The following NPFFR1 variants were observed in gnomAD, a reference collection of about 807,000 sequenced individuals.
The protein encoded by NPFFR1 is G-protein coupled receptor 147.
A neutral mutation model predicts 12.7 loss-of-function variants in NPFFR1; 17 were observed. The observed-to-expected ratio is 1.34, with a 90% CI of 0.92 to 2.01. The LOEUF is 2.01. Among genes scored for constraint, NPFFR1 ranks in the 30% most tolerant of loss-of-function variants. The pLI is 0.00. For synonymous variants in NPFFR1, 296 were observed against 264.5 expected, an observed-to-expected ratio of 1.12 and a Z score of -1.16; for missense variants, 604 against 606.5, an observed-to-expected ratio of 1.00 and a Z score of 0.04.
At chr10:70,272,214 A>AAGAG (rs879583314) in intron 1 of NPFFR1, among the ~76,000 whole-genome samples, 3,243 of 9,094 alleles carry the variant, frequency 0.36, 70 homozygotes, top group Middle Eastern at 0.48. Flanking sequence ...AAAGAAAGGA[A>AAGAG]AGAAAGAAAG....
chr10:70,263,209 A>G (rs1170816762), intron 2 of NPFFR1, among the ~76,000 whole-genome samples: 2 of 152,182 alleles, frequency 1.3e-5, no homozygotes, highest in Non-Finnish European at 2.9e-5. Context: ...CCCCTGTGGA[A>G]CTATACACTT....
intron 3 of NPFFR1, among the ~76,000 whole-genome samples, chr10:70,257,238 A>G (rs1840581634): frequency 6.6e-6 from 1 of 152,200 alleles, no homozygotes; most frequent in South Asian, 2.1e-4. Flanking sequence ...TCTGTGTAGA[A>G]AGGGAAGACA....
chr10:70,259,269 G>A (rs1223118731), intron 3 of NPFFR1, among the ~76,000 whole-genome samples: 3 of 149,956 alleles, frequency 2.0e-5, no homozygotes, highest in Non-Finnish European at 3.0e-5. Context: ...GGGTGACAGA[G>A]CAAGACTCTG....
At chr10:70,272,151 G>A (rs1454878948) in intron 1 of NPFFR1, among the ~76,000 whole-genome samples, 2 of 26,208 alleles carry the variant, frequency 7.6e-5, no homozygotes, top group East Asian at 1.6e-3. Flanking sequence ...GAGAAAGGGA[G>A]AGAGAGAGAG....
intron 1 of NPFFR1, among the ~76,000 whole-genome samples, chr10:70,269,028 ATGTT>A (rs1392641173): frequency 1.3e-5 from 2 of 152,068 alleles, no homozygotes. Flanking sequence ...CTTCTGCAGT[ATGTT>A]TGTCATATGG....
At chr10:70,263,466 G>A (rs1840655611) in intron 2 of NPFFR1, among the ~76,000 whole-genome samples, 1 of 151,840 alleles carries the variant, frequency 6.6e-6, no homozygotes, top group Admixed American at 6.6e-5. Context: ...GTAGAGATGG[G>A]GTTTCACCAT....
chr10:70,260,152 TGA>T (rs1840617331), intron 3 of NPFFR1, among the ~76,000 whole-genome samples: 1 of 152,140 alleles, frequency 6.6e-6, no homozygotes, highest in Non-Finnish European at 1.5e-5. Flanking sequence ...AATATGAGGC[TGA>T]GAGACGAGAA....
At chr10:70,259,965 A>G (rs1455278779) in intron 3 of NPFFR1, among the ~76,000 whole-genome samples, 1 of 152,180 alleles carries the variant, frequency 6.6e-6, no homozygotes, top group African/African-American at 2.4e-5. Flanking sequence ...CCTGGGGTGA[A>G]GCACCCAGAG....
intron 3 of NPFFR1, among the ~76,000 whole-genome samples, chr10:70,259,911 G>A (rs1418032398): frequency 6.6e-6 from 1 of 152,104 alleles, no homozygotes; most frequent in Non-Finnish European, 1.5e-5. Context: ...ATACACCAAG[G>A]CAGGAGTGAG....
intron 1 of NPFFR1, among the ~76,000 whole-genome samples, chr10:70,276,988 C>A (rs986824838): frequency 6.6e-6 from 1 of 152,214 alleles, no homozygotes; most frequent in African/African-American, 2.4e-5. Flanking sequence ...CTTACATAGA[C>A]CGCCTGGCTC....
rs1840473399 is a variant in NPFFR1 at position 70,248,467 on chromosome 10, G to GTTTTTGTTTTTTTT, written c.*6489_*6490insAAAAAAAACAAAAA. The GTTTTTGTTTTTTTT allele has an allele frequency of 6.2e-5, 6 of 96,742 alleles. No individual in the cohort carries two copies. Among genetic ancestry groups the GTTTTTGTTTTTTTT allele is most frequent in the African/African-American group, 1.2e-4 (3 of 24,706 alleles). The allele number at this position is 96,742 out of a possible 1,614,324, so 6.0% of individuals were successfully genotyped here. A position where few individuals can be genotyped will look rare whatever the true frequency, so the allele number is the denominator to read the frequency against. ...CAAAGTACGTAGTACTATGCCTGGC[G>GTTTTTGTTTTTTTT]TTTTTTTTTTGTTTTTTGTTTTTTT... On this transcript the variant is annotated 3_prime_UTR_variant, in exon 4 of 4. Coordinates refer to ENST00000277942, the MANE Select transcript of NPFFR1 (RefSeq NM_022146.5).
In NPFFR1 at chr10:70,251,430, G is replaced by T. The variant is rs369900069; in HGVS notation, c.*3527C>A. On this transcript the variant is annotated 3_prime_UTR_variant, in exon 4 of 4. Transcript: ENST00000277942. ...GCAGACTGTGGTTTGTGGGGTGCAGGCCCGGCATCCGCCTCCAGCTCACAT... is the reference window on the plus strand; with the variant it reads ...GCAGACTGTGGTTTGTGGGGTGCAGTCCCGGCATCCGCCTCCAGCTCACAT... 3.1e-4 allele frequency: 48 copies of T among 153,046 alleles called. No individual in the cohort carries two copies. The South Asian group carries it at 9.7e-3, about 31-fold the overall frequency. The allele number at this position is 153,046 out of a possible 1,614,324, so 9.5% of individuals were successfully genotyped here. A position where few individuals can be genotyped will look rare whatever the true frequency, so the allele number is the denominator to read the frequency against.
chr10:70,275,678 G>C (rs1029485203), intron 1 of NPFFR1, among the ~76,000 whole-genome samples: 6 of 151,996 alleles, frequency 3.9e-5, no homozygotes, highest in Non-Finnish European at 8.8e-5. Context: ...CTGGCACAGG[G>C]CCTAGAACAT....
At chr10:70,278,065 C>A in intron 1 of NPFFR1, 1 of 495,138 alleles carries the variant, frequency 2.0e-6, no homozygotes, top group South Asian at 1.5e-5. Context: ...GATATGGGAA[C>A]TGGTGAGGAG....
rs189778999 is a variant in NPFFR1 at position 70,279,595 on chromosome 10, G to A, written c.7+4075C>T. Among the ~76,000 whole-genome samples, 16 of 152,164 alleles carry A rather than the reference G, an allele frequency of 1.1e-4. No homozygotes were observed. The East Asian group carries it at 3.1e-3, about 29-fold the overall frequency. ...TTGCCTCAGCTTCCCGAGTAGCTGG[G>A]ATTACAAGTGTGTGCCACCACACTC... is the stretch of plus-strand genomic sequence containing the variant. On this transcript the variant is annotated intron_variant, in intron 1 of 3. Coordinates refer to ENST00000277942, the MANE Select transcript of NPFFR1 (RefSeq NM_022146.5).
At chr10:70,283,630 C>T (rs776803499) in intron 1 of NPFFR1, 40 bp downstream of exon 1, 2 of 1,525,012 alleles carry the variant, frequency 1.3e-6, no homozygotes, top group African/African-American at 1.4e-5. Context: ...GGAGTCGGTA[C>T]CCTGCCCCAC....
Position 70,249,323 on chromosome 10 carries a change from T to A in NPFFR1, c.*5634A>T, listed in dbSNP as rs1358457265. ...CTGAGGCAGGAGAATCGCTTGAACC[T>A]AGGAGGCAAAGGTTGCAGTGAGCCA... On this transcript the variant is annotated 3_prime_UTR_variant, in exon 4 of 4. Coordinates refer to ENST00000277942, the MANE Select transcript of NPFFR1 (RefSeq NM_022146.5). The A allele has an allele frequency of 2.0e-4, 30 of 150,644 alleles. No homozygotes were observed. The highest frequency in any genetic ancestry group is 7.3e-4 in the African/African-American group (30 of 41,006). The allele number at this position is 150,644 out of a possible 1,614,324, so 9.3% of individuals were successfully genotyped here.
At chr10:70,272,295 G>C (rs1024388959) in intron 1 of NPFFR1, among the ~76,000 whole-genome samples, 1 of 151,946 alleles carries the variant, frequency 6.6e-6, no homozygotes, top group African/African-American at 2.4e-5. Flanking sequence ...AAATGAATGA[G>C]CTTAACCCAG....
intron 2 of NPFFR1, 136 bp from the exon 3 acceptor site, chr10:70,260,875 T>A: frequency 1.4e-6 from 1 of 728,314 alleles, no homozygotes; most frequent in Non-Finnish European, 2.3e-6. Context: ...TGGTCTCTGC[T>A]TGCAGACTTT....
Sources: allele counts gnomAD v4.1 joint callset (sites outside exome capture counted in the v4.1 genomes callset), GRCh38; gene constraint gnomAD v4.1.1; transcripts MANE v1.5; gene names NCBI Gene and HGNC (gene_info 2026-07-23, HGNC 2026-07-21).